The following CREB3L1 variants were observed in gnomAD, a reference collection of about 807,000 sequenced individuals.
CREB3L1 encodes cyclic AMP-responsive element-binding protein 3-like protein 1.
In CREB3L1, 33 loss-of-function variants were observed where a neutral mutation model predicts 54.5. The ratio of observed to expected loss-of-function variants is 0.61; its 90% CI spans 0.46 to 0.81. The LOEUF is 0.81. Ranked by LOEUF, CREB3L1 falls within the 30% of genes least tolerant of loss-of-function variation. The probability of loss-of-function intolerance (pLI) is 0.00; values close to 1 mark genes in which losing one functional copy is unlikely to be tolerated. For synonymous variants in CREB3L1, 284 were observed against 286.4 expected (o/e 0.99, Z 0.08); for missense variants, 656 against 673.3 (o/e 0.97, Z 0.29).
rs1000095621 is a variant in CREB3L1, at chr11:46,295,345, C to G, written c.103-4590C>G. 4 of 152,276 alleles carry G rather than the reference C, an allele frequency of 2.6e-5. No homozygotes were observed. The South Asian group carries it at 8.3e-4, about 32-fold the overall frequency. The allele number at this position is 152,276 out of a possible 1,614,324, so 9.4% of individuals were successfully genotyped here. A position where few individuals can be genotyped will look rare whatever the true frequency, so the allele number is the denominator to read the frequency against. ...CAAAGCGCCCCACGGTAGGACGATT[C>G]GAGATGGAGCTGCAAGGGGATTTAA... On this transcript the variant is annotated intron_variant, in intron 1 of 11. Coordinates refer to ENST00000621158, the MANE Select transcript of CREB3L1 (RefSeq NM_052854.4). This position sits in a 1 kb window ranked among gnomAD's most constrained non-coding sequence, Gnocchi z 4.6.
rs1264009871 is a variant in CREB3L1 at position 46,295,371 on chromosome 11, G to T, written c.103-4564G>T. The T allele has an allele frequency of 2.0e-5, 3 of 152,206 alleles. No homozygotes were observed. The highest frequency in any genetic ancestry group is 2.9e-5 in the Non-Finnish European group (2 of 68,072). 9.4% of individuals were successfully genotyped at this position (152,206 alleles called of 1,614,324 possible). A position where few individuals can be genotyped will look rare whatever the true frequency, so the allele number is the denominator to read the frequency against. On this transcript the variant is annotated intron_variant, in intron 1 of 11. Transcript: ENST00000621158. This position sits in a 1 kb window ranked among gnomAD's most constrained non-coding sequence, Gnocchi z 4.6. The stretch of plus-strand genomic sequence containing the variant: ...GAGATGGAGCTGCAAGGGGATTTAA[G>T]GCCCGGCTCGCCCTTTGAGTCGGGG...
intron 1 of CREB3L1, among the ~76,000 whole-genome samples, chr11:46,283,760 G>A (rs1939013616): frequency 6.6e-6 from 1 of 151,970 alleles, no homozygotes; most frequent in African/African-American, 2.4e-5. Context: ...GCACATACCT[G>A]AAGTCCTGGC....
Position 46,300,175 on chromosome 11 carries a change from A to C in CREB3L1, c.331+12A>C, listed in dbSNP as rs562524895. ...GGACACCACCCAAGGTAAGAGGTGGAAGAACCTGGGGACAGCACAGGCCCA... is the reference window on the plus strand; with the variant it reads ...GGACACCACCCAAGGTAAGAGGTGGCAGAACCTGGGGACAGCACAGGCCCA... On this transcript the variant is annotated intron_variant, in intron 2 of 11. Coordinates refer to ENST00000621158, the MANE Select transcript of CREB3L1 (RefSeq NM_052854.4). The C allele has an allele frequency of 6.3e-7, 1 of 1,599,496 alleles. No individual in the cohort carries two copies. Among genetic ancestry groups the C allele is most frequent in the Admixed American group, 1.7e-5 (1 of 58,250 alleles).
intron 1 of CREB3L1, among the ~76,000 whole-genome samples, chr11:46,297,714 C>T (rs890659934): frequency 2.0e-5 from 3 of 152,092 alleles, no homozygotes; most frequent in African/African-American, 4.8e-5. Flanking sequence ...GGGAGAGTAC[C>T]CCTGCCAATG....
intron 1 of CREB3L1, among the ~76,000 whole-genome samples, chr11:46,281,664 C>T (rs1042719295): frequency 2.0e-5 from 3 of 152,218 alleles, no homozygotes; most frequent in African/African-American, 4.8e-5. Flanking sequence ...ACTCCCCACA[C>T]GCCTAGCCTG....
chr11:46,313,038 C>T, intron 8 of CREB3L1, 119 bp downstream of exon 8: 1 of 734,860 alleles, frequency 1.4e-6, no homozygotes, highest in Non-Finnish European at 2.2e-6. Context: ...ATGACAGGGA[C>T]CCCAGAAACA....
chr11:46,277,934 C>G lies in CREB3L1; in HGVS notation c.-178C>G, dbSNP rs888726857. 2.5e-6 allele frequency: 1 copy of G among 399,456 alleles called. No individual in the cohort carries two copies. The highest frequency in any genetic ancestry group is 2.1e-5 in the African/African-American group (1 of 47,962). The allele number at this position is 399,456 out of a possible 1,614,324, so 24.7% of individuals were successfully genotyped here. A position where few individuals can be genotyped will look rare whatever the true frequency, so the allele number is the denominator to read the frequency against. The stretch of plus-strand genomic sequence containing the variant: ...CCTAGCCGCTGCCCTAAGGCCCCCG[C>G]GCGCCCCGCGCCCCCCACCCGGGGC... On this transcript the variant is annotated 5_prime_UTR_variant, in exon 1 of 12. Coordinates refer to ENST00000621158, the MANE Select transcript of CREB3L1 (RefSeq NM_052854.4).
rs889373792 is a variant in CREB3L1, at chr11:46,321,104, C to T, written c.*358C>T. 77 of 521,602 alleles carry T rather than the reference C, an allele frequency of 1.5e-4. No homozygotes were observed. Among genetic ancestry groups the T allele is most frequent in the African/African-American group, 1.4e-3 (75 of 52,790 alleles). The allele number at this position is 521,602 out of a possible 1,614,324, so 32.3% of individuals were successfully genotyped here. On this transcript the variant is annotated 3_prime_UTR_variant, in exon 12 of 12. Transcript: ENST00000621158. ...TCACAGACACCCCTTACCCCACCCC[C>T]ACTGTACAGAGACCAAGAACAGAAA... is the stretch of plus-strand genomic sequence containing the variant.
At chr11:46,282,667 C>G (rs1463276044) in intron 1 of CREB3L1, among the ~76,000 whole-genome samples, 2 of 152,158 alleles carry the variant, frequency 1.3e-5, no homozygotes, top group Admixed American at 6.6e-5. Flanking sequence ...GTGGGACCCC[C>G]CTGTTCTTTT....
At chr11:46,305,250 C>T (rs1939363012) in intron 2 of CREB3L1, among the ~76,000 whole-genome samples, 1 of 152,122 alleles carries the variant, frequency 6.6e-6, no homozygotes, top group Non-Finnish European at 1.5e-5. Context: ...TGCCTGCCAG[C>T]CCTATTGCCC....
chr11:46,320,658 G>C, intron 11 of CREB3L1, 52 bp from the exon 12 acceptor site: 1 of 1,590,398 alleles, frequency 6.3e-7, no homozygotes. Context: ...GCTTGCAGAG[G>C]GTAAGAGGGT....
chr11:46,291,575 A>G (rs945436341), intron 1 of CREB3L1, among the ~76,000 whole-genome samples: 86 of 152,322 alleles, frequency 5.6e-4, no homozygotes, highest in African/African-American at 2.0e-3. Flanking sequence ...AATGATGCCA[A>G]AATTCCTTTC....
intron 1 of CREB3L1, among the ~76,000 whole-genome samples, chr11:46,288,649 G>C (rs1167200460): frequency 6.6e-6 from 1 of 152,208 alleles, no homozygotes; most frequent in Non-Finnish European, 1.5e-5. Flanking sequence ...CAGCAGGAGA[G>C]GGATGGCCAG....
Position 46,294,044 on chromosome 11 carries a change from C to T in CREB3L1, c.103-5891C>T, listed in dbSNP as rs1939168758. Among the ~76,000 whole-genome samples the T allele has an allele frequency of 2.0e-5, 3 of 152,258 alleles. No individual in the cohort carries two copies. The South Asian group carries it at 6.2e-4, about 32-fold the overall frequency. ...CTGGCTGAATGTGTCGATGAGTGTA[C>T]TTTTCACTATGTGGTGTCAGAGAGG... On this transcript the variant is annotated intron_variant, in intron 1 of 11. Coordinates refer to ENST00000621158, the MANE Select transcript of CREB3L1 (RefSeq NM_052854.4).
intron 1 of CREB3L1, among the ~76,000 whole-genome samples, chr11:46,280,260 T>C (rs944081077): frequency 6.0e-5 from 9 of 150,670 alleles, no homozygotes; most frequent in Non-Finnish European, 1.3e-4. Context: ...CGATCTCGGC[T>C]CACTGCAAGC....
At chr11:46,289,325 C>A (rs544754185) in intron 1 of CREB3L1, among the ~76,000 whole-genome samples, 1 of 152,168 alleles carries the variant, frequency 6.6e-6, no homozygotes, top group African/African-American at 2.4e-5. Flanking sequence ...GTTGCAGTGA[C>A]CCAAGATGGT....
intron 3 of CREB3L1, 86 bp downstream of exon 3, chr11:46,308,086 T>C: frequency 8.1e-7 from 1 of 1,228,516 alleles, no homozygotes; most frequent in Non-Finnish European, 1.1e-6. Context: ...CCCTGTGCCC[T>C]GGGGCTCTGT....
chr11:46,282,915 C>T (rs1327602620), intron 1 of CREB3L1, among the ~76,000 whole-genome samples: 2 of 152,100 alleles, frequency 1.3e-5, no homozygotes, highest in Non-Finnish European at 2.9e-5. Flanking sequence ...TGTTCCTTTG[C>T]GGTGACTCAT....
rs1157508442 is a variant in CREB3L1, at chr11:46,277,933, G to A, written c.-179G>A. On this transcript the variant is annotated 5_prime_UTR_variant, in exon 1 of 12. Transcript: ENST00000621158. ...TCCTAGCCGCTGCCCTAAGGCCCCC[G>A]CGCGCCCCGCGCCCCCCACCCGGGG... 7 of 397,458 alleles carry A rather than the reference G, an allele frequency of 1.8e-5. No homozygotes were observed. In the East Asian group the frequency reaches 2.6e-4, roughly 15 times the overall value. 24.6% of individuals were successfully genotyped at this position (397,458 alleles called of 1,614,324 possible). A position where few individuals can be genotyped will look rare whatever the true frequency, so the allele number is the denominator to read the frequency against.
Sources: allele counts gnomAD v4.1 joint callset (sites outside exome capture counted in the v4.1 genomes callset), GRCh38; gene constraint gnomAD v4.1.1; non-coding constraint Gnocchi (gnomAD v3.1); transcripts MANE v1.5; gene names NCBI Gene and HGNC (gene_info 2026-07-23, HGNC 2026-07-21).